The following MAP2K6 variants were observed in gnomAD, a reference collection of about 807,000 sequenced individuals.
The protein encoded by MAP2K6 is mitogen-activated protein kinase kinase 6.
MAP2K6 carries 16 observed loss-of-function variants against 53.7 expected under a neutral mutation model. The observed-to-expected ratio is 0.30, with a 90% CI of 0.20 to 0.45. The LOEUF (loss-of-function observed/expected upper bound fraction) is 0.45. MAP2K6 is among the 20% of genes least tolerant of loss of function. The probability of loss-of-function intolerance (pLI) is 1.00; values close to 1 mark genes in which losing one functional copy is unlikely to be tolerated. For missense variants in MAP2K6, 204 were observed against 411.9 expected (o/e 0.50, Z 4.37); for synonymous variants, 132 against 143.1 (o/e 0.92, Z 0.55).
intron 1 of MAP2K6, among the ~76,000 whole-genome samples, chr17:69,464,045 T>C (rs1436790421): frequency 6.6e-6 from 1 of 152,146 alleles, no homozygotes; most frequent in Admixed American, 6.5e-5. Context: ...GATTGATAAA[T>C]AAATATTTAA....
intron 1 of MAP2K6, among the ~76,000 whole-genome samples, chr17:69,496,686 T>C (rs1474498801): frequency 1.3e-5 from 2 of 152,112 alleles, no homozygotes; most frequent in Non-Finnish European, 2.9e-5. Context: ...TTCATTCTTC[T>C]TGTTTCCCTG....
chr17:69,438,838 G>A lies in MAP2K6; in HGVS notation c.16+23838G>A, dbSNP rs115486853. On this transcript the variant is annotated intron_variant, in intron 1 of 11. Coordinates refer to ENST00000590474, the MANE Select transcript of MAP2K6 (RefSeq NM_002758.4). ...CGGCTCAAGAGGTCTTTCCACCTTA[G>A]CCTCCCAAAGTGCTGGGATTGCAGG... Among the ~76,000 whole-genome samples, 419 of 152,274 alleles carry A rather than the reference G, an allele frequency of 2.8e-3. 1 individual carries two copies. The highest frequency in any genetic ancestry group is 9.3e-3 in the African/African-American group (386 of 41,532).
intron 1 of MAP2K6, among the ~76,000 whole-genome samples, chr17:69,481,265 T>A (rs571616103): frequency 1.1e-4 from 17 of 152,350 alleles, no homozygotes; most frequent in African/African-American, 4.1e-4. Context: ...TATGACTGGC[T>A]TATTTTACTT....
Position 69,546,427 on chromosome 17 carries a change from T to C in MAP2K6, c.*4674T>C, listed in dbSNP as rs1198445039. The C allele has an allele frequency of 6.6e-6, 1 of 152,214 alleles. No individual in the cohort carries two copies. Among genetic ancestry groups the C allele is most frequent in the Non-Finnish European group, 1.5e-5 (1 of 68,034 alleles). 9.4% of individuals were successfully genotyped at this position (152,214 alleles called of 1,614,324 possible). On this transcript the variant is annotated 3_prime_UTR_variant, in exon 12 of 12. Coordinates refer to ENST00000590474, the MANE Select transcript of MAP2K6 (RefSeq NM_002758.4). ...ACTTGATTTAGTGTCTTGGGAATTA[T>C]AATCTCAAAGGAGGCAGAGAGGGGT...
At chr17:69,523,263 T>G (rs1910579880) in intron 7 of MAP2K6, among the ~76,000 whole-genome samples, 1 of 152,158 alleles carries the variant, frequency 6.6e-6, no homozygotes, top group Non-Finnish European at 1.5e-5. Context: ...ATAAAATCAG[T>G]GGAGAAAACA....
rs1368913613 is a variant in MAP2K6 at position 69,545,485 on chromosome 17, T to C, written c.*3732T>C. On this transcript the variant is annotated 3_prime_UTR_variant, in exon 12 of 12. Coordinates refer to ENST00000590474, the MANE Select transcript of MAP2K6 (RefSeq NM_002758.4). ...GGAAACGAGTATGTATGGGCATGGC[T>C]TGAAATTGTTTGTATTTTACAGTTC... is the stretch of plus-strand genomic sequence containing the variant. 6.6e-6 allele frequency: 1 copy of C among 152,236 alleles called. No homozygotes were observed. Among genetic ancestry groups the C allele is most frequent in the Non-Finnish European group, 1.5e-5 (1 of 68,038 alleles). The allele number at this position is 152,236 out of a possible 1,614,324, so 9.4% of individuals were successfully genotyped here. A position where few individuals can be genotyped will look rare whatever the true frequency, so the allele number is the denominator to read the frequency against.
chr17:69,534,111 G>A (rs1407314518), intron 10 of MAP2K6, among the ~76,000 whole-genome samples: 1 of 152,118 alleles, frequency 6.6e-6, no homozygotes, highest in Non-Finnish European at 1.5e-5. Context: ...CCTATTAGAT[G>A]CCAGTAACAC....
chr17:69,539,044 T>A (rs937315880), intron 11 of MAP2K6, among the ~76,000 whole-genome samples: 1 of 152,184 alleles, frequency 6.6e-6, no homozygotes, highest in African/African-American at 2.4e-5. Flanking sequence ...CTGTCCTAGA[T>A]GATAATCACC....
chr17:69,507,253 A>G (rs1054635104), intron 2 of MAP2K6, among the ~76,000 whole-genome samples: 2 of 152,182 alleles, frequency 1.3e-5, no homozygotes, highest in East Asian at 1.9e-4. Flanking sequence ...TTACACAACT[A>G]TAATACATTA....
chr17:69,421,984 C>T (rs994655914), intron 1 of MAP2K6, among the ~76,000 whole-genome samples: 1 of 152,070 alleles, frequency 6.6e-6, no homozygotes, highest in Non-Finnish European at 1.5e-5. Flanking sequence ...CTGGCTTGTA[C>T]CCCACTCTGT....
intron 1 of MAP2K6, among the ~76,000 whole-genome samples, chr17:69,456,599 CA>C (rs1250556706): frequency 1.3e-5 from 2 of 152,102 alleles, no homozygotes; most frequent in African/African-American, 2.4e-5. Flanking sequence ...TTGACTGGAT[CA>C]ATTGTTTTCT....
chr17:69,449,529 T>TTCTCTTTC (rs1368624796), intron 1 of MAP2K6, among the ~76,000 whole-genome samples: 1 of 101,380 alleles, frequency 9.9e-6, no homozygotes, highest in Non-Finnish European at 2.1e-5. Flanking sequence ...CTTTCTTTCT[T>TTCTCTTTC]TGTCTTTCTT....
At chr17:69,518,250 A>G (rs1009815161) in intron 4 of MAP2K6, among the ~76,000 whole-genome samples, 6 of 152,082 alleles carry the variant, frequency 3.9e-5, no homozygotes, top group African/African-American at 1.2e-4. Context: ...CCGGAGTCCA[A>G]ATGAAAATTT....
intron 1 of MAP2K6, among the ~76,000 whole-genome samples, chr17:69,457,330 C>T (rs887585089): frequency 6.6e-6 from 1 of 152,170 alleles, no homozygotes; most frequent in South Asian, 2.1e-4. Context: ...CACGTTTATC[C>T]CCTAGGTTGA....
chr17:69,430,507 C>A (rs1906427836), intron 1 of MAP2K6, among the ~76,000 whole-genome samples: 2 of 152,224 alleles, frequency 1.3e-5, no homozygotes, highest in Non-Finnish European at 2.9e-5. Flanking sequence ...CTTTCAGCTT[C>A]AGCAGCAATC....
chr17:69,536,310 A>G (rs1911355787), intron 11 of MAP2K6, 150 bp downstream of exon 11: 2 of 661,258 alleles, frequency 3.0e-6, no homozygotes, highest in Non-Finnish European at 5.4e-6. Flanking sequence ...AAAGAGAGTT[A>G]AAGAGTTCAT....
chr17:69,435,979 A>C (rs1906627783), intron 1 of MAP2K6, among the ~76,000 whole-genome samples: 1 of 151,674 alleles, frequency 6.6e-6, no homozygotes, highest in Admixed American at 6.6e-5. Context: ...AAAAAACAAT[A>C]ATTTCAAATA....
intron 4 of MAP2K6, among the ~76,000 whole-genome samples, chr17:69,518,160 G>T (rs139021766): frequency 2.6e-5 from 4 of 151,974 alleles, no homozygotes; most frequent in Middle Eastern, 3.4e-3. Flanking sequence ...ACTGCACTCC[G>T]GCCTGGACAA....
chr17:69,520,580 G>T, intron 6 of MAP2K6, 194 bp downstream of exon 6: 1 of 538,876 alleles, frequency 1.9e-6, no homozygotes. Context: ...GCACTGCTTT[G>T]GTTTGGCAGA....
Sources: gnomAD v4.1 joint callset for allele counts (sites outside exome capture counted in the v4.1 genomes callset) on GRCh38, gnomAD v4.1.1 for gene constraint, MANE v1.5 for transcripts, NCBI Gene and HGNC (gene_info 2026-07-23, HGNC 2026-07-21) for gene names.